KLF5: variants seen among roughly 807,000 people sequenced by gnomAD.
KLF5 encodes KLF transcription factor 5.
In KLF5, 9 loss-of-function variants were observed where a neutral mutation model predicts 36.9. That is an observed-to-expected ratio of 0.24 (90% CI 0.15 to 0.43). The LOEUF (loss-of-function observed/expected upper bound fraction) is 0.43. KLF5 is among the 20% of genes least tolerant of loss of function. The probability of loss-of-function intolerance (pLI) is 1.00; values close to 1 mark genes in which losing one functional copy is unlikely to be tolerated. For missense variants in KLF5, 524 were observed against 599.5 expected (o/e 0.87, Z 1.31); for synonymous variants, 246 against 241.7 (o/e 1.02, Z -0.17).
At chr13:73,059,717 G>A in intron 1 of KLF5, 129 bp downstream of exon 1, 1 of 949,438 alleles carries the variant, frequency 1.1e-6, no homozygotes. Context: ...GCCGGTGCTG[G>A]GTGGGCAGCC....
At chr13:73,069,078 A>T (rs1406013905) in intron 3 of KLF5, among the ~76,000 whole-genome samples, 1 of 152,246 alleles carries the variant, frequency 6.6e-6, no homozygotes, top group East Asian at 1.9e-4. Context: ...CCCGGACAAC[A>T]GAGCAAGACT....
At chr13:73,074,217 A>G (rs1353090257) in intron 3 of KLF5, among the ~76,000 whole-genome samples, 1 of 152,228 alleles carries the variant, frequency 6.6e-6, no homozygotes, top group African/African-American at 2.4e-5. Flanking sequence ...CACAAATTGT[A>G]GAAATCTCAG....
At chr13:73,070,481 ACT>A (rs772265942) in intron 3 of KLF5, among the ~76,000 whole-genome samples, 4 of 152,136 alleles carry the variant, frequency 2.6e-5, no homozygotes, top group Non-Finnish European at 5.9e-5. Context: ...GATTTCATTA[ACT>A]CTATTAATGA....
At chr13:73,075,622 T>A (rs995680934) in intron 3 of KLF5, 86 bp from the exon 4 acceptor site, 4 of 1,200,172 alleles carry the variant, frequency 3.3e-6, no homozygotes, top group Non-Finnish European at 4.6e-6. Flanking sequence ...CAAGATTTTT[T>A]TTTTCTTTGA....
At chr13:73,065,248 T>C (rs530261960) in intron 3 of KLF5, among the ~76,000 whole-genome samples, 176 of 152,370 alleles carry the variant, frequency 1.2e-3, no homozygotes, top group African/African-American at 4.1e-3. Flanking sequence ...TATCTCTAAC[T>C]GCTGCATTAA....
rs1460899204 is a variant in KLF5 at position 73,059,234 on chromosome 13, C to T, written c.-94C>T. ...CCACCCGAAACCTCCCCTCCTCCGC[C>T]GGCAGCCCCGCGCTGAGCTCGCCGA... On this transcript the variant is annotated 5_prime_UTR_variant, in exon 1 of 4. Coordinates refer to ENST00000377687, the MANE Select transcript of KLF5 (RefSeq NM_001730.5). 1.7e-6 allele frequency: 2 copies of T among 1,198,300 alleles called. No homozygotes were observed. The highest frequency in any genetic ancestry group is 2.1e-6 in the Non-Finnish European group (2 of 948,496). The allele number at this position is 1,198,300 out of a possible 1,614,324, so 74.2% of individuals were successfully genotyped here. A position where few individuals can be genotyped will look rare whatever the true frequency, so the allele number is the denominator to read the frequency against.
At chr13:73,068,831 C>G (rs902535422) in intron 3 of KLF5, among the ~76,000 whole-genome samples, 1 of 151,942 alleles carries the variant, frequency 6.6e-6, no homozygotes, top group Admixed American at 6.6e-5. Flanking sequence ...GGTGGCGGCT[C>G]ACGCCTGTAA....
rs77714026 is a variant in KLF5, at chr13:73,062,751, G to A, written c.1135+17G>A. On this transcript the variant is annotated intron_variant, in intron 2 of 3. Transcript: ENST00000377687. ...ATTACCCTGGTATGTGCTCTTACCT[G>A]GTTGAAGCATCAATAGATGTAGTGT... 5.8e-3 allele frequency: 9,245 copies of A among 1,606,588 alleles called. 415 individuals carry two copies. In the African/African-American group the frequency reaches 0.1, roughly 18 times the overall value.
At chr13:73,056,804 A>C (rs2044585848), upstream of KLF5, among the ~76,000 whole-genome samples, 1 of 152,228 alleles carries the variant, frequency 6.6e-6, no homozygotes, top group Non-Finnish European at 1.5e-5. Flanking sequence ...AAAACCTGCT[A>C]CTGTATTGGA....
rs1344638269 is a variant in KLF5, at chr13:73,059,655, C to T, written c.261+67C>T. 1.4e-5 allele frequency: 15 copies of T among 1,086,046 alleles called. 1 individual carries two copies. The South Asian group carries it at 3.5e-4, about 26-fold the overall frequency. The allele number at this position is 1,086,046 out of a possible 1,614,324, so 67.3% of individuals were successfully genotyped here. A position where few individuals can be genotyped will look rare whatever the true frequency, so the allele number is the denominator to read the frequency against. On this transcript the variant is annotated intron_variant, in intron 1 of 3. Coordinates refer to ENST00000377687, the MANE Select transcript of KLF5 (RefSeq NM_001730.5). ...TCGGGCGTGTCCCGTTGCTGCGACT[C>T]GCGGGCGACAGGGGCCGCTCCAGGC...
At position 73,062,543 on chromosome 13, in the gene KLF5, A is replaced by T; in HGVS notation, c.944A>T (p.Gln315Leu). Residue 315 changes from glutamine (Q) to leucine (L), a missense_variant, in exon 2 of 4, where the codon CAA becomes CTA. By Grantham distance (113) the Gln-to-Leu change is moderately radical. Around this residue, in one of 4 missense-constraint regions of KLF5, gnomAD observed 454 missense variants for 458.1 expected, o/e 0.99. Transcript: ENST00000377687. ...PSSEPGSPDR[Q>L]AEMLQNLTPP... ...TCAGAGCCTGGAAGTCCAGATAGAC[A>T]AGCAGAGATGCTCCAGAATTTAACC... The T allele has an allele frequency of 1.9e-6, 3 of 1,614,212 alleles. No homozygotes were observed. The highest frequency in any genetic ancestry group is 2.5e-6 in the Non-Finnish European group (3 of 1,180,034).
chr13:73,061,838 A>G (rs1364267710), intron 1 of KLF5, 23 bp from the exon 2 acceptor site: 2 of 1,600,682 alleles, frequency 1.2e-6, no homozygotes, highest in Non-Finnish European at 8.5e-7. Context: ...TGGATTATGC[A>G]TTTTATATCT....
chr13:73,066,871 TTG>T (rs543426210), intron 3 of KLF5, among the ~76,000 whole-genome samples: 133 of 152,314 alleles, frequency 8.7e-4, no homozygotes, highest in African/African-American at 3.0e-3. Context: ...TCTGTCTTCT[TTG>T]TGTGATTAGA....
chr13:73,061,057 GAT>G (rs2044631448), intron 1 of KLF5, among the ~76,000 whole-genome samples: 1 of 151,966 alleles, frequency 6.6e-6, no homozygotes, highest in Admixed American at 6.6e-5. Context: ...CTGTGCTAGG[GAT>G]ACAGCAGCCT....
rs2044612945 is a variant in KLF5 at position 73,059,471 on chromosome 13, C to T, written c.144C>T (p.Gly48=). The change falls in exon 1 of 4, where the codon GGC becomes GGT. Residue 48 remains glycine (G), a synonymous_variant. Transcript: ENST00000377687. ...CCCGCGACGCGGCGCTCTTCCCCGG[C>T]GAGGAGCTGAAGCACGCGCACCACC... ...NPARDAALFP[G]EELKHAHHRP... 8 of 1,272,008 alleles carry T rather than the reference C, an allele frequency of 6.3e-6. No homozygotes were observed. Among genetic ancestry groups the T allele is most frequent in the South Asian group, 2.6e-5 (1 of 38,734 alleles). The allele number at this position is 1,272,008 out of a possible 1,614,324, so 78.8% of individuals were successfully genotyped here.
At position 73,059,009 on chromosome 13, in the gene KLF5, GC is replaced by G. The variant is rs1321990758; in HGVS notation, c.-318del. On this transcript the variant is annotated 5_prime_UTR_variant, in exon 1 of 4. Coordinates refer to ENST00000377687, the MANE Select transcript of KLF5 (RefSeq NM_001730.5). ...AGGCGGGCGTCAAGTGTCAGTAGTCGCGGGGCAGGTACGTGCGCTCGCGGTT... is the reference window on the plus strand; with the variant it reads ...AGGCGGGCGTCAAGTGTCAGTAGTCGGGGGCAGGTACGTGCGCTCGCGGTT... 4.3e-6 allele frequency: 1 copy of G among 234,594 alleles called. No individual in the cohort carries two copies. The highest frequency in any genetic ancestry group is 8.3e-6 in the Non-Finnish European group (1 of 120,768). The allele number at this position is 234,594 out of a possible 1,614,324, so 14.5% of individuals were successfully genotyped here. A position where few individuals can be genotyped will look rare whatever the true frequency, so the allele number is the denominator to read the frequency against.
chr13:73,059,773 A>AT, intron 1 of KLF5, 185 bp downstream of exon 1: 1 of 465,994 alleles, frequency 2.1e-6, no homozygotes, highest in Non-Finnish European at 2.5e-6. Flanking sequence ...CTGAGAGTAA[A>AT]TGGGGGGGGG....
intron 1 of KLF5, 191 bp downstream of exon 1, chr13:73,059,779 G>T (rs1048641808): frequency 4.1e-6 from 3 of 740,618 alleles, no homozygotes; most frequent in African/African-American, 3.7e-5. Context: ...GTAAATGGGG[G>T]GGGGGGCCGG....
In KLF5 at chr13:73,059,008, C is replaced by T. The variant is rs910486719; in HGVS notation, c.-320C>T. On this transcript the variant is annotated 5_prime_UTR_variant, in exon 1 of 4. Transcript: ENST00000377687. Reference sequence around the variant, plus strand: ...GAGGCGGGCGTCAAGTGTCAGTAGTCGCGGGGCAGGTACGTGCGCTCGCGG... The same window carrying T: ...GAGGCGGGCGTCAAGTGTCAGTAGTTGCGGGGCAGGTACGTGCGCTCGCGG... 11 of 234,088 alleles carry T rather than the reference C, an allele frequency of 4.7e-5. 1 individual carries two copies. The Admixed American group carries it at 5.1e-4, about 11-fold the overall frequency. 14.5% of individuals were successfully genotyped at this position (234,088 alleles called of 1,614,324 possible). A position where few individuals can be genotyped will look rare whatever the true frequency, so the allele number is the denominator to read the frequency against.
Sources: gnomAD v4.1 joint callset for allele counts (sites outside exome capture counted in the v4.1 genomes callset) on GRCh38, gnomAD v4.1.1 for gene constraint, gnomAD v4.1.1 regional missense constraint, MANE v1.5 for transcripts, NCBI Gene and HGNC (gene_info 2026-07-23, HGNC 2026-07-21) for gene names.